ANKRD11: variants seen among roughly 807,000 people sequenced by gnomAD.
ANKRD11 encodes the protein ankyrin repeat domain-containing protein 11.
Under a neutral mutation model 195.7 loss-of-function variants are expected in ANKRD11, and 17 were observed. The ratio of observed to expected loss-of-function variants is 0.09; its 90% CI spans 0.06 to 0.13. The LOEUF (loss-of-function observed/expected upper bound fraction) is 0.13, where lower values mean the gene tolerates loss of function less well. ANKRD11 is among the 10% of genes least tolerant of loss of function. The pLI is 1.00. For synonymous variants in ANKRD11, 1,953 were observed against 1,528.1 expected (o/e 1.28, Z -6.49); for missense variants, 3,735 against 3,566.1 (o/e 1.05, Z -1.21).
At chr16:89,357,943 CTTT>C (rs577331465) in intron 2 of ANKRD11, among the ~76,000 whole-genome samples, 2 of 152,148 alleles carry the variant, frequency 1.3e-5, no homozygotes, top group Non-Finnish European at 2.9e-5. Flanking sequence ...GTAGTAAATC[CTTT>C]CAAAACAATC....
At chr16:89,428,278 C>G (rs953010540) in intron 1 of ANKRD11, among the ~76,000 whole-genome samples, 1 of 152,138 alleles carries the variant, frequency 6.6e-6, no homozygotes, top group Non-Finnish European at 1.5e-5. Flanking sequence ...ATAATCCCAG[C>G]ACTTTGGGAG....
chr16:89,307,034 C>G (rs1031530463), intron 3 of ANKRD11, among the ~76,000 whole-genome samples: 5 of 147,570 alleles, frequency 3.4e-5, no homozygotes, highest in Admixed American at 3.4e-4. Context: ...GTGACACACA[C>G]AGCGCTCGGG....
At chr16:89,345,253 T>G (rs3102384) in intron 2 of ANKRD11, among the ~76,000 whole-genome samples, 66,133 of 116,756 alleles carry the variant, frequency 0.57, 15,691 homozygotes, top group African/African-American at 0.65. Context: ...AAGCCCCCCC[T>G]CCCCACCCCC....
chr16:89,397,634 C>T (rs538826020), intron 2 of ANKRD11, among the ~76,000 whole-genome samples: 1 of 152,348 alleles, frequency 6.6e-6, no homozygotes, highest in Non-Finnish European at 1.5e-5. Flanking sequence ...TAAACTTTCC[C>T]TTTTCACTCA....
chr16:89,368,304 C>A (rs167958), intron 2 of ANKRD11, among the ~76,000 whole-genome samples: 3 of 149,814 alleles, frequency 2.0e-5, no homozygotes, highest in Non-Finnish European at 3.0e-5. Flanking sequence ...ACAAGCGATT[C>A]TCCTGCCATA....
At chr16:89,380,792 G>A (rs545514279) in intron 2 of ANKRD11, among the ~76,000 whole-genome samples, 9 of 152,374 alleles carry the variant, frequency 5.9e-5, no homozygotes, top group East Asian at 5.8e-4. Flanking sequence ...GCAGGGCTGC[G>A]TAACCACCAC....
At chr16:89,422,967 T>C (rs995888093) in intron 1 of ANKRD11, among the ~76,000 whole-genome samples, 1 of 152,224 alleles carries the variant, frequency 6.6e-6, no homozygotes, top group South Asian at 2.1e-4. Context: ...TAGTCTTCAA[T>C]CCGCTAAGAT....
At chr16:89,413,145 C>T (rs1213648467) in intron 2 of ANKRD11, among the ~76,000 whole-genome samples, 1 of 152,204 alleles carries the variant, frequency 6.6e-6, no homozygotes, top group African/African-American at 2.4e-5. Context: ...AATGACACAG[C>T]ATCTTCTATA....
Position 89,283,980 on chromosome 16 carries a change from C to T in ANKRD11, c.2562G>A (p.Gly854=). The change falls in exon 9 of 13, where the codon GGG becomes GGA. Residue 854 remains glycine, a synonymous_variant. Coordinates refer to ENST00000301030, the MANE Select transcript of ANKRD11 (RefSeq NM_013275.6). This position sits in a 1 kb window ranked among gnomAD's most constrained non-coding sequence, Gnocchi z 4.3. ...DLSDSSFDFK[G]EDSWDSPVTD... is the part of the protein sequence containing the mutation. Reference sequence around the variant, plus strand: ...TCACTGGCGAGTCCCAGCTGTCCTCCCCTTTGAAATCAAAGGATGAATCGG... The same window carrying T: ...TCACTGGCGAGTCCCAGCTGTCCTCTCCTTTGAAATCAAAGGATGAATCGG... The T allele has an allele frequency of 6.2e-7, 1 of 1,614,162 alleles. No individual in the cohort carries two copies. Among genetic ancestry groups the T allele is most frequent in the African/African-American group, 1.3e-5 (1 of 75,022 alleles).
At chr16:89,485,649 C>A (rs1429185655) in intron 1 of ANKRD11, among the ~76,000 whole-genome samples, 1 of 152,154 alleles carries the variant, frequency 6.6e-6, no homozygotes, top group Non-Finnish European at 1.5e-5. Flanking sequence ...CACAATTAGT[C>A]TTTAAAAAGC....
intron 2 of ANKRD11, among the ~76,000 whole-genome samples, chr16:89,411,518 ATCC>A (rs2042110302): frequency 1.3e-5 from 2 of 152,060 alleles, no homozygotes; most frequent in Admixed American, 1.3e-4. Flanking sequence ...AGCTCAAGAG[ATCC>A]TCCTACCTCA....
intron 1 of ANKRD11, among the ~76,000 whole-genome samples, chr16:89,470,039 G>A (rs946106710): frequency 1.3e-5 from 2 of 150,754 alleles, no homozygotes; most frequent in African/African-American, 4.9e-5. Context: ...TCGAGTAGCT[G>A]GGACTACAGG....
chr16:89,331,822 G>A (rs1205381091), intron 2 of ANKRD11, among the ~76,000 whole-genome samples: 6 of 152,110 alleles, frequency 3.9e-5, no homozygotes, highest in Admixed American at 1.3e-4. Context: ...TCTAAGATAC[G>A]GTGATGGTTT....
chr16:89,427,101 A>G (rs1017967961), intron 1 of ANKRD11, among the ~76,000 whole-genome samples: 1 of 152,220 alleles, frequency 6.6e-6, no homozygotes, highest in African/African-American at 2.4e-5. Flanking sequence ...TACAAAAGTC[A>G]GCTGTATCAT....
chr16:89,372,044 A>G (rs2040215836), intron 2 of ANKRD11, among the ~76,000 whole-genome samples: 1 of 152,228 alleles, frequency 6.6e-6, no homozygotes, highest in Non-Finnish European at 1.5e-5. Context: ...CTGAGCACTC[A>G]CACTGAAACC....
chr16:89,423,601 A>T (rs936601571), intron 1 of ANKRD11, among the ~76,000 whole-genome samples: 3 of 152,224 alleles, frequency 2.0e-5, no homozygotes, highest in Non-Finnish European at 2.9e-5. Flanking sequence ...AGCAGCAGGC[A>T]CTCAGCACCT....
At position 89,305,186 on chromosome 16, in the gene ANKRD11, G is replaced by A. The variant is rs370291331; in HGVS notation, c.226+20C>T. ...GCTGCCTGTGGAGGGCTGACTGCAG[G>A]AGGGGCCGCGGGCTGGTACCTGTGT... On this transcript the variant is annotated intron_variant, in intron 4 of 12. Coordinates refer to ENST00000301030, the MANE Select transcript of ANKRD11 (RefSeq NM_013275.6). 1.9e-6 allele frequency: 3 copies of A among 1,608,748 alleles called. No individual in the cohort carries two copies. The highest frequency in any genetic ancestry group is 1.3e-5 in the African/African-American group (1 of 74,852).
At chr16:89,423,715 G>A (rs1374662258) in intron 1 of ANKRD11, among the ~76,000 whole-genome samples, 1 of 152,158 alleles carries the variant, frequency 6.6e-6, no homozygotes, top group Non-Finnish European at 1.5e-5. Context: ...ATAAGCACCA[G>A]AAACTGGAAT....
rs560333119 is a variant in ANKRD11, at chr16:89,295,756, G to A, written c.227-4573C>T. ...ATGGGGGGGATGTGACGCGCCTGGG[G>A]GTGCCCTGTGCTGGTGGGATCGGAG... On this transcript the variant is annotated intron_variant, in intron 4 of 12. Transcript: ENST00000301030. Among the ~76,000 whole-genome samples the A allele has an allele frequency of 1.1e-4, 17 of 151,170 alleles. No homozygotes were observed. In the South Asian group the frequency reaches 3.6e-3, roughly 32 times the overall value.
Sources: gnomAD v4.1 joint callset for allele counts (sites outside exome capture counted in the v4.1 genomes callset) on GRCh38, gnomAD v4.1.1 for gene constraint, Gnocchi (gnomAD v3.1) non-coding constraint, MANE v1.5 for transcripts, NCBI Gene and HGNC (gene_info 2026-07-23, HGNC 2026-07-21) for gene names.